PDE7B: variants seen among roughly 807,000 people sequenced by gnomAD.
The protein encoded by PDE7B is phosphodiesterase 7B.
In PDE7B, 29 loss-of-function variants were observed where a neutral mutation model predicts 56.2. The ratio of observed to expected loss-of-function variants is 0.52; its 90% CI spans 0.38 to 0.70. The LOEUF (loss-of-function observed/expected upper bound fraction) is 0.70. Among genes scored for constraint, PDE7B ranks in the 30% least tolerant of loss-of-function variants. The pLI, the probability that PDE7B is intolerant of heterozygous loss-of-function variation, is 0.00. For missense variants in PDE7B, 490 were observed against 565.0 expected (o/e 0.87, Z 1.35); for synonymous variants, 197 against 196.9 (o/e 1.00, Z 0.00).
intron 3 of PDE7B, among the ~76,000 whole-genome samples, chr6:136,127,387 C>A: frequency 6.6e-6 from 1 of 152,218 alleles, no homozygotes; most frequent in Middle Eastern, 3.4e-3. Flanking sequence ...TTAAGCTATC[C>A]ATTACTATCT....
intron 2 of PDE7B, among the ~76,000 whole-genome samples, chr6:135,998,152 A>AT (rs1775597917): frequency 1.3e-5 from 2 of 152,154 alleles, no homozygotes; most frequent in Admixed American, 1.3e-4. Flanking sequence ...ACATAATTAT[A>AT]TTTTTTGGAG....
intron 2 of PDE7B, among the ~76,000 whole-genome samples, chr6:135,960,182 T>C (rs1774874334): frequency 6.6e-6 from 1 of 152,180 alleles, no homozygotes; most frequent in Non-Finnish European, 1.5e-5. Flanking sequence ...ATTCTAGAAT[T>C]TTGACGGACA....
At chr6:136,136,603 A>T (rs1403508149) in intron 3 of PDE7B, among the ~76,000 whole-genome samples, 2 of 152,080 alleles carry the variant, frequency 1.3e-5, no homozygotes, top group Non-Finnish European at 2.9e-5. Flanking sequence ...GAATGGTTGA[A>T]GGTATGGATA....
rs1779248197 is a variant in PDE7B at position 136,192,540 on chromosome 6, G to A, written c.*700G>A. On this transcript the variant is annotated 3_prime_UTR_variant, in exon 13 of 13. Transcript: ENST00000308191. Reference sequence around the variant, plus strand: ...ACCACGTTTCCTATCCAATCCGAAGGGAAGGTGCTGTACAGTTCATTCCTT... The same window carrying A: ...ACCACGTTTCCTATCCAATCCGAAGAGAAGGTGCTGTACAGTTCATTCCTT... The A allele has an allele frequency of 6.6e-6, 1 of 152,578 alleles. No individual in the cohort carries two copies. The highest frequency in any genetic ancestry group is 1.5e-5 in the Non-Finnish European group (1 of 68,042). The allele number at this position is 152,578 out of a possible 1,614,324, so 9.5% of individuals were successfully genotyped here.
chr6:136,099,222 G>A (rs1315749265), intron 2 of PDE7B, among the ~76,000 whole-genome samples: 1 of 152,158 alleles, frequency 6.6e-6, no homozygotes, highest in African/African-American at 2.4e-5. Context: ...TGTGAATAGT[G>A]CTGCAATTAA....
chr6:135,957,369 A>G (rs576984652), intron 2 of PDE7B, among the ~76,000 whole-genome samples: 2 of 152,344 alleles, frequency 1.3e-5, no homozygotes, highest in East Asian at 1.9e-4. Context: ...GCTGAGTTGG[A>G]CACTGTAAAT....
At chr6:135,933,226 T>C (rs938806669) in intron 1 of PDE7B, among the ~76,000 whole-genome samples, 18 of 152,254 alleles carry the variant, frequency 1.2e-4, no homozygotes, top group African/African-American at 4.1e-4. Context: ...ATATGTCATA[T>C]GTATCTGTGT....
At chr6:135,970,151 C>CA (rs1554270357) in intron 2 of PDE7B, among the ~76,000 whole-genome samples, 1 of 152,126 alleles carries the variant, frequency 6.6e-6, no homozygotes, top group Non-Finnish European at 1.5e-5. Flanking sequence ...CCTTGGGTCT[C>CA]ATAAAGTTTA....
intron 1 of PDE7B, among the ~76,000 whole-genome samples, chr6:135,928,511 ATATT>A (rs1293324936): frequency 4.5e-5 from 6 of 131,964 alleles, no homozygotes; most frequent in Admixed American, 1.9e-4. Flanking sequence ...TTATATATAT[ATATT>A]TATTTATATA....
intron 1 of PDE7B, among the ~76,000 whole-genome samples, chr6:135,928,503 A>ATATATATATATTTATATATATATATT (rs1562442952): frequency 9.7e-6 from 1 of 102,820 alleles, no homozygotes; most frequent in Non-Finnish European, 1.9e-5. Context: ...ATATATATTT[A>ATATATATATATTTATATATATATATT]TATATATATA....
chr6:136,062,044 G>T (rs1776854371), intron 2 of PDE7B, among the ~76,000 whole-genome samples: 1 of 152,196 alleles, frequency 6.6e-6, no homozygotes, highest in East Asian at 1.9e-4. Context: ...CTGTGATAGA[G>T]CCGAGCAAAG....
chr6:136,161,913 A>C (rs1164468494), intron 8 of PDE7B: 1 of 152,192 alleles, frequency 6.6e-6, no homozygotes, highest in Non-Finnish European at 1.5e-5. Flanking sequence ...CACAGTTTTC[A>C]CACAGGGTAT....
At chr6:135,961,541 C>A (rs887337830) in intron 2 of PDE7B, among the ~76,000 whole-genome samples, 1 of 152,014 alleles carries the variant, frequency 6.6e-6, no homozygotes, top group Admixed American at 6.6e-5. Flanking sequence ...GTGTTACCAT[C>A]AGGTTGATGA....
chr6:136,033,420 A>G (rs1166998659), intron 2 of PDE7B, among the ~76,000 whole-genome samples: 3 of 152,188 alleles, frequency 2.0e-5, no homozygotes, highest in African/African-American at 7.2e-5. Context: ...CTCACACTGA[A>G]AACCAGAATT....
At chr6:135,970,070 G>C (rs1028730156) in intron 2 of PDE7B, among the ~76,000 whole-genome samples, 5 of 152,090 alleles carry the variant, frequency 3.3e-5, no homozygotes, top group Admixed American at 6.6e-5. Context: ...AATATTTATT[G>C]AGTATCTAGT....
chr6:135,966,749 T>G (rs1458143415), intron 2 of PDE7B, among the ~76,000 whole-genome samples: 1 of 152,182 alleles, frequency 6.6e-6, no homozygotes, highest in Non-Finnish European at 1.5e-5. Context: ...CCTTTAATTT[T>G]ACCTCCAAGG....
intron 2 of PDE7B, among the ~76,000 whole-genome samples, chr6:136,089,134 A>G (rs1777342396): frequency 6.6e-6 from 1 of 152,190 alleles, no homozygotes; most frequent in African/African-American, 2.4e-5. Flanking sequence ...GAGACATGAT[A>G]AGGTCCCACC....
chr6:135,915,411 T>G (rs1773892020), intron 1 of PDE7B, among the ~76,000 whole-genome samples: 1 of 152,224 alleles, frequency 6.6e-6, no homozygotes, highest in African/African-American at 2.4e-5. Context: ...CAGCAACATA[T>G]GACACTTCCA....
intron 2 of PDE7B, among the ~76,000 whole-genome samples, chr6:136,083,436 T>A (rs1200697858): frequency 6.6e-6 from 1 of 152,164 alleles, no homozygotes; most frequent in Non-Finnish European, 1.5e-5. Context: ...TTTCTACTCA[T>A]TTTAGAGGGT....
Sources: allele counts gnomAD v4.1 joint callset (sites outside exome capture counted in the v4.1 genomes callset), GRCh38; gene constraint gnomAD v4.1.1; transcripts MANE v1.5; gene names NCBI Gene and HGNC (gene_info 2026-07-23, HGNC 2026-07-21).